The following ESYT2 variants were observed in gnomAD, a reference collection of about 807,000 sequenced individuals.
ESYT2 encodes the protein extended synaptotagmin-2.
Under a neutral mutation model 107.2 loss-of-function variants are expected in ESYT2, and 54 were observed. That is an observed-to-expected ratio of 0.50 (90% confidence interval 0.40 to 0.63). The LOEUF (loss-of-function observed/expected upper bound fraction) is 0.63. ESYT2 is among the 30% of genes least tolerant of loss of function. The pLI is 0.00. For missense variants in ESYT2, 1,020 were observed against 1,094.5 expected (o/e 0.93, Z 0.96); for synonymous variants, 491 against 434.1 (o/e 1.13, Z -1.63).
At position 158,814,285 on chromosome 7, in the gene ESYT2, AAT is replaced by A. The variant is rs1491113258; in HGVS notation, c.330+14802_330+14803del. 5.1e-3 allele frequency among the ~76,000 whole-genome samples: 533 copies of A among 105,052 alleles called. 12 individuals carry two copies. The highest frequency in any genetic ancestry group is 7.5e-3 in the Non-Finnish European group (399 of 53,540). 68.9% of individuals were successfully genotyped at this position (105,052 alleles called of 152,430 possible). A position where few individuals can be genotyped will look rare whatever the true frequency, so the allele number is the denominator to read the frequency against. On this transcript the variant is annotated intron_variant, in intron 1 of 22. Transcript: ENST00000275418. ...CGAGACTCCGTCTCAAAAAAAAAAAAATTATATATATATATATATATATATAT... is the reference window on the plus strand; with the variant it reads ...CGAGACTCCGTCTCAAAAAAAAAAAATATATATATATATATATATATATAT...
At chr7:158,773,246 G>T in intron 7 of ESYT2, 95 bp downstream of exon 7, 2 of 1,341,318 alleles carry the variant, frequency 1.5e-6, no homozygotes, top group Non-Finnish European at 1.1e-6. Flanking sequence ...CCTGGCAGAC[G>T]CAGGTCTTAA....
At chr7:158,776,282 T>C (rs1475515406) in intron 6 of ESYT2, among the ~76,000 whole-genome samples, 2 of 152,214 alleles carry the variant, frequency 1.3e-5, no homozygotes, top group African/African-American at 4.8e-5. Context: ...CTGCATTAGC[T>C]GTGACAAGAC....
chr7:158,773,440 C>T (rs765335798), intron 6 of ESYT2, 44 bp from the exon 7 acceptor site: 1 of 1,604,208 alleles, frequency 6.2e-7, no homozygotes, highest in Non-Finnish European at 8.5e-7. Context: ...AAACAATTTC[C>T]AATTATTGAA....
intron 3 of ESYT2, among the ~76,000 whole-genome samples, chr7:158,796,397 A>G (rs923236135): frequency 1.3e-5 from 2 of 152,168 alleles, no homozygotes; most frequent in African/African-American, 4.8e-5. Context: ...CTTTTCTTCC[A>G]CTTACGTAAT....
chr7:158,750,161 C>T (rs547797723), intron 14 of ESYT2, among the ~76,000 whole-genome samples: 23 of 152,122 alleles, frequency 1.5e-4, no homozygotes, highest in Admixed American at 3.9e-4. Flanking sequence ...GTCAGATACA[C>T]GGTTTTATGT....
At chr7:158,767,620 T>C (rs1379432650) in intron 8 of ESYT2, 34 bp downstream of exon 8, 4 of 1,598,890 alleles carry the variant, frequency 2.5e-6, no homozygotes, top group Non-Finnish European at 3.4e-6. Flanking sequence ...TCCAAGATGT[T>C]TTTAAATGTG....
In ESYT2 at chr7:158,801,398, AAG is replaced by A. The variant is rs1387849371; in HGVS notation, c.331-2328_331-2327del. ...TCCCAATGTGCTAAAGAAAAAGAGA[AAG>A]AGAATATATCAGATTTGAACAAAGC... On this transcript the variant is annotated intron_variant, in intron 1 of 22. Coordinates refer to ENST00000275418, the MANE Select transcript of ESYT2 (RefSeq NM_001367773.1). 8.5e-5 allele frequency among the ~76,000 whole-genome samples: 13 copies of A among 152,356 alleles called. No individual in the cohort carries two copies. The East Asian group carries it at 1.9e-3, about 23-fold the overall frequency.
intron 13 of ESYT2, 25 bp from the exon 14 acceptor site, chr7:158,752,868 A>T: frequency 7.8e-7 from 1 of 1,286,270 alleles, no homozygotes; most frequent in South Asian, 1.2e-5. Context: ...GAAAACGAAT[A>T]TGCCAAGGGT....
chr7:158,798,537 T>C (rs1317543731), intron 2 of ESYT2, among the ~76,000 whole-genome samples: 1 of 148,910 alleles, frequency 6.7e-6, no homozygotes, highest in African/African-American at 2.5e-5. Flanking sequence ...TCCCAGCTAC[T>C]CGGGAGGCTG....
intron 1 of ESYT2, among the ~76,000 whole-genome samples, chr7:158,803,793 T>TGAGGCGCGC (rs1839717668): frequency 6.9e-5 from 5 of 72,978 alleles, no homozygotes; most frequent in Admixed American, 1.4e-4. Context: ...GTGAGGCGCG[T>TGAGGCGCGC]GACAAACCCA....
rs1457911770 is a variant in ESYT2, at chr7:158,731,854, G to C, written c.*2353C>G. The stretch of plus-strand genomic sequence containing the variant: ...AGTGTCTGACATCGCTGGGATCCTG[G>C]AGTGCTGAGTGTGGCCTCGATGGTG... On this transcript the variant is annotated 3_prime_UTR_variant, in exon 23 of 23. Transcript: ENST00000275418. The C allele has an allele frequency of 6.6e-6, 1 of 152,578 alleles. No individual in the cohort carries two copies. The highest frequency in any genetic ancestry group is 1.5e-5 in the Non-Finnish European group (1 of 68,032). 9.5% of individuals were successfully genotyped at this position (152,578 alleles called of 1,614,324 possible).
In ESYT2 at chr7:158,767,871, C is replaced by T. The variant is rs957784091; in HGVS notation, c.804-97G>A. 5.0e-6 allele frequency: 7 copies of T among 1,413,654 alleles called. No individual in the cohort carries two copies. The African/African-American group carries it at 7.2e-5, about 14-fold the overall frequency. The allele number at this position is 1,413,654 out of a possible 1,614,324, so 87.6% of individuals were successfully genotyped here. A position where few individuals can be genotyped will look rare whatever the true frequency, so the allele number is the denominator to read the frequency against. On this transcript the variant is annotated intron_variant, in intron 7 of 22. Coordinates refer to ENST00000275418, the MANE Select transcript of ESYT2 (RefSeq NM_001367773.1). ...GACTTACCACGAATATGATGTAAGT[C>T]CCATTTATTTACAGAGTAGGAGTTA...
chr7:158,823,161 G>A (rs965850775), intron 1 of ESYT2, among the ~76,000 whole-genome samples: 11 of 151,324 alleles, frequency 7.3e-5, no homozygotes, highest in Non-Finnish European at 1.5e-4. Flanking sequence ...TGGATGTGGC[G>A]GTGTGCGCCT....
intron 1 of ESYT2, among the ~76,000 whole-genome samples, chr7:158,811,708 C>G (rs1331041414): frequency 6.6e-6 from 1 of 152,124 alleles, no homozygotes; most frequent in Non-Finnish European, 1.5e-5. Flanking sequence ...GGTTGTGCTA[C>G]AAGAGGTTGA....
chr7:158,781,932 TGA>T lies in ESYT2; in HGVS notation c.747+6070_747+6071del, dbSNP rs1265419775. Among the ~76,000 whole-genome samples, 12 of 149,410 alleles carry T rather than the reference TGA, an allele frequency of 8.0e-5. 1 individual carries two copies. Among genetic ancestry groups the T allele is most frequent in the East Asian group, 6.0e-4 (3 of 4,982 alleles). The stretch of plus-strand genomic sequence containing the variant: ...ACGACAGAACAAAGTGTGAAAGGTA[TGA>T]GTGTAAGAACGAGAACAAGTGTGAA... On this transcript the variant is annotated intron_variant, in intron 6 of 22. Coordinates refer to ENST00000275418, the MANE Select transcript of ESYT2 (RefSeq NM_001367773.1).
intron 8 of ESYT2, among the ~76,000 whole-genome samples, chr7:158,767,061 G>A (rs1838189944): frequency 6.6e-6 from 1 of 152,222 alleles, no homozygotes; most frequent in Non-Finnish European, 1.5e-5. Flanking sequence ...TGACAAAACT[G>A]TGGCCCAGCC....
At chr7:158,764,955 C>G in intron 8 of ESYT2, 102 bp from the exon 9 acceptor site, 1 of 1,197,776 alleles carries the variant, frequency 8.3e-7, no homozygotes, top group East Asian at 2.4e-5. Flanking sequence ...TTGGGAGTGC[C>G]GAGGGAATAA....
At chr7:158,800,305 C>A (rs1213298163) in intron 1 of ESYT2, among the ~76,000 whole-genome samples, 4 of 152,170 alleles carry the variant, frequency 2.6e-5, no homozygotes, top group Non-Finnish European at 5.9e-5. Flanking sequence ...CCTCTGCCTC[C>A]CAAAGTGCTG....
intron 1 of ESYT2, among the ~76,000 whole-genome samples, chr7:158,822,531 G>A (rs1840314818): frequency 6.6e-6 from 1 of 152,068 alleles, no homozygotes; most frequent in Non-Finnish European, 1.5e-5. Context: ...GAAGTGCTGA[G>A]ATAGGAGGAT....
Sources: allele counts gnomAD v4.1 joint callset (sites outside exome capture counted in the v4.1 genomes callset), GRCh38; gene constraint gnomAD v4.1.1; transcripts MANE v1.5; gene names NCBI Gene and HGNC (gene_info 2026-07-23, HGNC 2026-07-21).